Variants in KIAA1217 observed in about 807,000 individuals in gnomAD.
The protein encoded by KIAA1217 is KIAA1217.
KIAA1217 carries 88 observed loss-of-function variants against 163.9 expected under a neutral mutation model. The ratio of observed to expected loss-of-function variants is 0.54; its 90% confidence interval spans 0.45 to 0.64. The LOEUF (loss-of-function observed/expected upper bound fraction) is 0.64, where lower values mean the gene tolerates loss of function less well. Ranked by LOEUF, KIAA1217 falls within the 30% of genes least tolerant of loss-of-function variation. KIAA1217 has a pLI of 0.00. For missense variants in KIAA1217, 2,372 were observed against 2,475.0 expected, an observed-to-expected ratio of 0.96 and a Z score of 0.88; for synonymous variants, 903 against 923.1, an observed-to-expected ratio of 0.98 and a Z score of 0.39.
Position 23,940,811 on chromosome 10 carries a change from G to T in KIAA1217, c.-320-66414G>T, listed in dbSNP as rs76116541. On this transcript the variant is annotated intron_variant, in intron 1 of 18. Transcript: ENST00000376462. ...ATATCTTTGAAACTTCACTCAACTA[G>T]TTGGAAATTAAACAACACACTTCTG... Among the ~76,000 whole-genome samples, 853 of 152,288 alleles carry T rather than the reference G, an allele frequency of 5.6e-3. 53 individuals are homozygous for T. In the East Asian group the frequency reaches 0.14, roughly 24 times the overall value.
intron 3 of KIAA1217, among the ~76,000 whole-genome samples, chr10:24,413,690 T>C (rs2058003804): frequency 6.6e-6 from 1 of 152,204 alleles, no homozygotes; most frequent in African/African-American, 2.4e-5. Context: ...ACATCCAGCA[T>C]ACTTTTGTCT....
In KIAA1217 at chr10:24,457,360, G is replaced by GTGTGTGTGTGTGTGTGTGTGTGTGTGTT. The variant is rs774686589; in HGVS notation, c.847-15865_847-15864insGTGTGTGTGTGTGTGTGTGTGTGTTTGT. ...TTTTTTGTTTTGTGTGTGTGTGTGT[G>GTGTGTGTGTGTGTGTGTGTGTGTGTGTT]TGTATGTGTGTGTGGGTGGCGGGGT... On this transcript the variant is annotated intron_variant, in intron 5 of 20. Coordinates refer to ENST00000376454, the MANE Select transcript of KIAA1217 (RefSeq NM_019590.5). 1.7e-3 allele frequency among the ~76,000 whole-genome samples: 254 copies of GTGTGTGTGTGTGTGTGTGTGTGTGTGTT among 151,658 alleles called. 2 individuals are homozygous for GTGTGTGTGTGTGTGTGTGTGTGTGTGTT. Among genetic ancestry groups the GTGTGTGTGTGTGTGTGTGTGTGTGTGTT allele is most frequent in the African/African-American group, 6.0e-3 (248 of 41,384 alleles).
At chr10:24,532,339 G>A (rs1322424785) in intron 15 of KIAA1217, among the ~76,000 whole-genome samples, 5 of 152,192 alleles carry the variant, frequency 3.3e-5, no homozygotes, top group African/African-American at 1.2e-4. Flanking sequence ...ACCGTTGTGG[G>A]AGTCTATACA....
chr10:24,363,555 G>GA (rs368516134), intron 2 of KIAA1217, among the ~76,000 whole-genome samples: 2 of 81,970 alleles, frequency 2.4e-5, no homozygotes, highest in African/African-American at 7.7e-5. Flanking sequence ...GTTTTTTGTG[G>GA]GTTTTGTTTT....
chr10:24,255,651 T>G (rs1369287724), intron 2 of KIAA1217: 6 of 405,328 alleles, frequency 1.5e-5, no homozygotes, highest in Admixed American at 5.8e-5. Context: ...GTCCCTAAAC[T>G]GCTGTGTGAT....
chr10:23,812,786 C>A lies in KIAA1217; in HGVS notation c.-321+117552C>A, dbSNP rs80131281. Among the ~76,000 whole-genome samples the A allele has an allele frequency of 9.2e-5, 14 of 152,100 alleles. 1 individual carries two copies. Among genetic ancestry groups the A allele is most frequent in the African/African-American group, 3.4e-4 (14 of 41,386 alleles). ...CTAGATAATTTTATAGATGGAATCA[C>A]GCAGTATGTGGTTTTTTGTGTGTGT... On this transcript the variant is annotated intron_variant, in intron 1 of 18. Transcript: ENST00000376462.
chr10:23,952,536 G>GCA (rs1844386726), intron 1 of KIAA1217, among the ~76,000 whole-genome samples: 1 of 152,166 alleles, frequency 6.6e-6, no homozygotes, highest in African/African-American at 2.4e-5. Flanking sequence ...TTCTATCATA[G>GCA]CATTATTGAC....
intron 5 of KIAA1217, among the ~76,000 whole-genome samples, chr10:24,458,912 T>G (rs1418022136): frequency 1.3e-5 from 2 of 152,198 alleles, no homozygotes; most frequent in African/African-American, 4.8e-5. Flanking sequence ...TGCATTACTA[T>G]GTCCCTCTAC....
intron 1 of KIAA1217, among the ~76,000 whole-genome samples, chr10:23,851,342 CTCA>C (rs558037573): frequency 0.012 from 1,832 of 152,232 alleles, 38 homozygotes; most frequent in African/African-American, 0.042. Context: ...AGGACATGAA[CTCA>C]TCATTTTTAT....
Position 24,158,327 on chromosome 10 carries a change from C to T in KIAA1217, c.-170-61299C>T, listed in dbSNP as rs141358177. 8.0e-4 allele frequency: 544 copies of T among 681,340 alleles called. 1 individual carries two copies. In the African/African-American group the frequency reaches 8.3e-3, roughly 10 times the overall value. The allele number at this position is 681,340 out of a possible 1,614,324, so 42.2% of individuals were successfully genotyped here. A position where few individuals can be genotyped will look rare whatever the true frequency, so the allele number is the denominator to read the frequency against. On this transcript the variant is annotated intron_variant, in intron 2 of 18. Transcript: ENST00000376462. ...TATACTCAAGGAGATTCTTTGACTT[C>T]AGAAGGTCACCTTGATGACACTTGG...
chr10:23,959,017 A>C (rs939770671), intron 1 of KIAA1217, among the ~76,000 whole-genome samples: 3 of 150,738 alleles, frequency 2.0e-5, no homozygotes, highest in African/African-American at 7.3e-5. Context: ...ACGCTCTCGA[A>C]CCATGGGCCT....
chr10:23,747,969 TG>T (rs1839503297), intron 1 of KIAA1217, among the ~76,000 whole-genome samples: 1 of 152,212 alleles, frequency 6.6e-6, no homozygotes, highest in Admixed American at 6.5e-5. Flanking sequence ...CTGGATTCCC[TG>T]GGGAAGCTCA....
At chr10:24,465,017 TA>T (rs1216542692) in intron 5 of KIAA1217, among the ~76,000 whole-genome samples, 1 of 152,168 alleles carries the variant, frequency 6.6e-6, no homozygotes, top group Non-Finnish European at 1.5e-5. Flanking sequence ...GAGGATGTGA[TA>T]GGGGCGGCAT....
intron 2 of KIAA1217, among the ~76,000 whole-genome samples, chr10:24,302,586 G>A (rs1248594153): frequency 6.6e-6 from 1 of 151,710 alleles, no homozygotes; most frequent in Non-Finnish European, 1.5e-5. Flanking sequence ...TGGAAAAACA[G>A]GGAACACACA....
chr10:24,321,609 A>G (rs2044169522), intron 2 of KIAA1217, among the ~76,000 whole-genome samples: 1 of 152,176 alleles, frequency 6.6e-6, no homozygotes, highest in Non-Finnish European at 1.5e-5. Context: ...ATTCTGACAC[A>G]TGCTACAAAA....
At chr10:24,334,395 A>T (rs2046064831) in intron 2 of KIAA1217, among the ~76,000 whole-genome samples, 1 of 149,584 alleles carries the variant, frequency 6.7e-6, no homozygotes, top group Admixed American at 6.7e-5. Flanking sequence ...AAAAAGATGA[A>T]GGAAGGAAGG....
rs1420467309 is a variant in KIAA1217 at position 24,515,155 on chromosome 10, C to G, written c.2177+1721C>G. Among the ~76,000 whole-genome samples, 3 of 151,984 alleles carry G rather than the reference C, an allele frequency of 2.0e-5. No homozygotes were observed. The South Asian group carries it at 6.3e-4, about 32-fold the overall frequency. On this transcript the variant is annotated intron_variant, in intron 10 of 20. Transcript: ENST00000376454. ...GATCTCGGCTCACTGCAACCTCCAA[C>G]TCCTGGGTTCAAGCCTATTCTCCTA...
At chr10:23,911,563 A>C (rs1393705855) in intron 1 of KIAA1217, among the ~76,000 whole-genome samples, 1 of 152,172 alleles carries the variant, frequency 6.6e-6, no homozygotes, top group Non-Finnish European at 1.5e-5. Flanking sequence ...CTGCCAAGCC[A>C]TTCTCTTTCC....
At chr10:24,156,072 C>T (rs181096955) in intron 2 of KIAA1217, among the ~76,000 whole-genome samples, 6 of 152,148 alleles carry the variant, frequency 3.9e-5, no homozygotes, top group African/African-American at 1.2e-4. Context: ...ATGTATATAC[C>T]ATGAAACTAT....
Sources: gnomAD v4.1 joint callset for allele counts (sites outside exome capture counted in the v4.1 genomes callset) on GRCh38, gnomAD v4.1.1 for gene constraint, MANE v1.5 for transcripts, NCBI Gene and HGNC (gene_info 2026-07-23, HGNC 2026-07-21) for gene names.